MYO1B: variants seen among roughly 807,000 people sequenced by gnomAD.
MYO1B encodes the protein myosin IB.
Under a neutral mutation model 159.7 loss-of-function variants are expected in MYO1B, and 72 were observed. The observed-to-expected ratio is 0.45, with a 90% CI of 0.37 to 0.55. The LOEUF is 0.55. Among genes scored for constraint, MYO1B ranks in the 20% least tolerant of loss-of-function variants. The probability of loss-of-function intolerance (pLI) is 0.00; values close to 1 mark genes in which losing one functional copy is unlikely to be tolerated. For synonymous variants in MYO1B, 468 were observed against 473.8 expected, an observed-to-expected ratio of 0.99 and a Z score of 0.16; for missense variants, 1,062 against 1,364.8, an observed-to-expected ratio of 0.78 and a Z score of 3.50.
intron 30 of MYO1B, among the ~76,000 whole-genome samples, chr2:191,419,186 A>G (rs1378407460): frequency 4.6e-5 from 7 of 152,182 alleles, no homozygotes; most frequent in Non-Finnish European, 7.3e-5. Flanking sequence ...TTGATAATAA[A>G]TGATGTTGTT....
rs572976493 is a variant in MYO1B, at chr2:191,378,388, A to G, written c.1186-3074A>G. 5.0e-4 allele frequency among the ~76,000 whole-genome samples: 76 copies of G among 152,168 alleles called. 1 individual carries two copies. Among genetic ancestry groups the G allele is most frequent in the Non-Finnish European group, 9.3e-4 (63 of 68,004 alleles). On this transcript the variant is annotated intron_variant, in intron 13 of 30. Coordinates refer to ENST00000392318, the MANE Select transcript of MYO1B (RefSeq NM_001130158.3). ...GTCAGCAAAGGGTGGTGGGATTATC[A>G]TTAGTTCTTATAGGTTTTGGGATAG...
At chr2:191,324,330 C>T (rs924862997) in intron 3 of MYO1B, among the ~76,000 whole-genome samples, 4 of 150,278 alleles carry the variant, frequency 2.7e-5, no homozygotes, top group Non-Finnish European at 5.9e-5. Context: ...TTTTTGTTTC[C>T]CTATTCTTGG....
intron 24 of MYO1B, among the ~76,000 whole-genome samples, chr2:191,403,292 C>A (rs975679360): frequency 6.6e-6 from 1 of 152,162 alleles, no homozygotes; most frequent in African/African-American, 2.4e-5. Context: ...ACCTCGAATT[C>A]AAATACCTTG....
At chr2:191,381,145 T>G in intron 13 of MYO1B, 2 of 374,384 alleles carry the variant, frequency 5.3e-6, no homozygotes, top group Non-Finnish European at 5.1e-6. Flanking sequence ...GAGCTCACTG[T>G]GTCTTTGCTG....
chr2:191,356,273 G>T (rs1574496931), intron 7 of MYO1B, among the ~76,000 whole-genome samples: 1 of 151,732 alleles, frequency 6.6e-6, no homozygotes, highest in African/African-American at 2.4e-5. Context: ...TGCCTTTTTA[G>T]GGTCACAAAT....
At chr2:191,363,342 G>C (rs1693794290) in intron 9 of MYO1B, among the ~76,000 whole-genome samples, 1 of 152,034 alleles carries the variant, frequency 6.6e-6, no homozygotes, top group Non-Finnish European at 1.5e-5. Context: ...GCAAACCACA[G>C]TTTTTCTGAT....
chr2:191,376,630 T>A (rs1694730094), intron 13 of MYO1B, among the ~76,000 whole-genome samples: 1 of 152,208 alleles, frequency 6.6e-6, no homozygotes, highest in Non-Finnish European at 1.5e-5. Context: ...TATTCAAAAT[T>A]TGACCTCAAA....
At chr2:191,346,561 C>G (rs1234547348) in intron 6 of MYO1B, among the ~76,000 whole-genome samples, 1 of 152,136 alleles carries the variant, frequency 6.6e-6, no homozygotes, top group Non-Finnish European at 1.5e-5. Flanking sequence ...TAACACTTTG[C>G]TTATCTGAGT....
intron 11 of MYO1B, among the ~76,000 whole-genome samples, chr2:191,368,490 T>G (rs1559207309): frequency 6.6e-6 from 1 of 152,212 alleles, no homozygotes; most frequent in East Asian, 1.9e-4. Flanking sequence ...TAAGGGTGTT[T>G]AGATTCTTCT....
chr2:191,420,544 T>G (rs1223958968), intron 30 of MYO1B, among the ~76,000 whole-genome samples: 1 of 152,224 alleles, frequency 6.6e-6, no homozygotes, highest in Non-Finnish European at 1.5e-5. Flanking sequence ...TAACACGCTG[T>G]AGCATCTAGG....
At chr2:191,283,202 A>G (rs935831947) in intron 2 of MYO1B, among the ~76,000 whole-genome samples, 3 of 152,240 alleles carry the variant, frequency 2.0e-5, no homozygotes, top group Admixed American at 6.5e-5. Context: ...AAGTTGACAC[A>G]TATTTGTTGC....
chr2:191,297,178 C>T (rs1689033664), intron 3 of MYO1B, among the ~76,000 whole-genome samples: 1 of 152,086 alleles, frequency 6.6e-6, no homozygotes, highest in African/African-American at 2.4e-5. Flanking sequence ...TAAGTTGGGC[C>T]AAGTCATGTA....
chr2:191,330,205 A>C (rs999885282), intron 4 of MYO1B, among the ~76,000 whole-genome samples, 176 bp downstream of exon 4: 1 of 152,186 alleles, frequency 6.6e-6, no homozygotes, highest in Non-Finnish European at 1.5e-5. Flanking sequence ...CAGAGAAACA[A>C]GATGCCTATC....
rs530389903 is a variant in MYO1B at position 191,370,695 on chromosome 2, G to C, written c.1185+403G>C. Among the ~76,000 whole-genome samples the C allele has an allele frequency of 1.5e-4, 23 of 152,368 alleles. No homozygotes were observed. In the East Asian group the frequency reaches 3.9e-3, roughly 26 times the overall value. ...TTGTGTGTTGTTAGAAAGTGTGGCA[G>C]GTTGGTGCCATAAAGAAAGCCACAG... On this transcript the variant is annotated intron_variant, in intron 13 of 30. Transcript: ENST00000392318.
intron 3 of MYO1B, among the ~76,000 whole-genome samples, chr2:191,297,921 G>A (rs1471353412): frequency 2.6e-5 from 4 of 152,190 alleles, no homozygotes; most frequent in African/African-American, 9.7e-5. Flanking sequence ...TCACAGTAAA[G>A]CGTTGTCTGT....
intron 5 of MYO1B, among the ~76,000 whole-genome samples, chr2:191,343,237 A>T (rs1036821680): frequency 6.6e-6 from 1 of 152,226 alleles, no homozygotes; most frequent in Non-Finnish European, 1.5e-5. Flanking sequence ...AAGTAAAGTC[A>T]TGGAAGGATG....
At chr2:191,260,201 C>G (rs1373344940) in intron 1 of MYO1B, among the ~76,000 whole-genome samples, 1 of 138,222 alleles carries the variant, frequency 7.2e-6, no homozygotes, top group Admixed American at 8.0e-5. Flanking sequence ...CCCTGTAGAG[C>G]CTGGGGGCAG....
chr2:191,352,780 C>T (rs565436189), intron 7 of MYO1B, among the ~76,000 whole-genome samples: 2 of 152,206 alleles, frequency 1.3e-5, no homozygotes, highest in East Asian at 3.9e-4. Flanking sequence ...ACTGACTCAT[C>T]GGTGGTCACT....
chr2:191,405,058 A>C (rs1185237866), intron 24 of MYO1B, among the ~76,000 whole-genome samples: 1 of 152,112 alleles, frequency 6.6e-6, no homozygotes, highest in African/African-American at 2.4e-5. Flanking sequence ...AATTGAAATG[A>C]ATCCTCTCAA....
Sources: gnomAD v4.1 joint callset for allele counts (sites outside exome capture counted in the v4.1 genomes callset) on GRCh38, gnomAD v4.1.1 for gene constraint, MANE v1.5 for transcripts, NCBI Gene and HGNC (gene_info 2026-07-23, HGNC 2026-07-21) for gene names.